Variants in FHIT observed in about 807,000 individuals in gnomAD.
The protein encoded by FHIT is fragile histidine triad diadenosine triphosphatase.
In FHIT, 19 loss-of-function variants were observed where a neutral mutation model predicts 17.9. The observed-to-expected ratio is 1.06, with a 90% CI of 0.74 to 1.56. The LOEUF (loss-of-function observed/expected upper bound fraction) is 1.56, where lower values mean the gene tolerates loss of function less well. Ranked by LOEUF, FHIT falls within the 40% of genes most tolerant of loss-of-function variation. FHIT has a pLI of 0.00. For missense variants in FHIT, 248 were observed against 189.2 expected, an observed-to-expected ratio of 1.31 and a Z score of -1.82; for synonymous variants, 81 against 69.7, an observed-to-expected ratio of 1.16 and a Z score of -0.81.
intron 4 of FHIT, among the ~76,000 whole-genome samples, chr3:60,591,503 A>G (rs2107696301): frequency 6.6e-6 from 1 of 152,252 alleles, no homozygotes; most frequent in East Asian, 1.9e-4. Flanking sequence ...AAAAACAGCC[A>G]CTAGGCTGTA....
chr3:60,896,848 C>A (rs1018335866), intron 3 of FHIT, among the ~76,000 whole-genome samples: 1 of 152,078 alleles, frequency 6.6e-6, no homozygotes, highest in Non-Finnish European at 1.5e-5. Context: ...TGGTTTCAAA[C>A]TCAAAACTAT....
chr3:60,219,107 C>G (rs1490862681), intron 5 of FHIT, among the ~76,000 whole-genome samples: 1 of 152,110 alleles, frequency 6.6e-6, no homozygotes, highest in East Asian at 1.9e-4. Context: ...CAGGGTCTAT[C>G]TACCCACATT....
intron 5 of FHIT, among the ~76,000 whole-genome samples, chr3:60,063,509 C>T (rs1702377292): frequency 6.6e-6 from 1 of 152,044 alleles, no homozygotes; most frequent in African/African-American, 2.4e-5. Flanking sequence ...AAGCAGAGGC[C>T]CAGAGTGACT....
At chr3:60,343,677 T>C (rs1380737201) in intron 5 of FHIT, among the ~76,000 whole-genome samples, 1 of 152,200 alleles carries the variant, frequency 6.6e-6, no homozygotes, top group Non-Finnish European at 1.5e-5. Context: ...TTTAAATTGG[T>C]AAGACTAATA....
At position 60,806,763 on chromosome 3, in the gene FHIT, C is replaced by T. The variant is rs562072565; in HGVS notation, c.-18+15156G>A. On this transcript the variant is annotated intron_variant, in intron 4 of 9. Coordinates refer to ENST00000492590, the MANE Select transcript of FHIT (RefSeq NM_002012.4). ...CCAGTGCTTAACATGATATGGCACA[C>T]GTAGCAGAGTCACAGTAAAAGTTTG... Among the ~76,000 whole-genome samples the T allele has an allele frequency of 1.3e-4, 20 of 152,302 alleles. No homozygotes were observed. The East Asian group carries it at 2.3e-3, about 18-fold the overall frequency.
chr3:59,818,952 T>C (rs528689868), intron 8 of FHIT, among the ~76,000 whole-genome samples: 2 of 152,196 alleles, frequency 1.3e-5, no homozygotes, highest in Admixed American at 1.3e-4. Flanking sequence ...ATGACTACTC[T>C]GTGTCAGAGT....
At chr3:60,152,239 C>A (rs536696264) in intron 5 of FHIT, among the ~76,000 whole-genome samples, 1 of 152,112 alleles carries the variant, frequency 6.6e-6, no homozygotes, top group African/African-American at 2.4e-5. Flanking sequence ...TACCTTGAGG[C>A]TGTGTAATAG....
intron 5 of FHIT, among the ~76,000 whole-genome samples, chr3:60,452,470 G>A (rs867502517): frequency 1.3e-5 from 2 of 152,068 alleles, no homozygotes; most frequent in Non-Finnish European, 2.9e-5. Flanking sequence ...ATGCATCACC[G>A]TTATAGTCAA....
intron 8 of FHIT, among the ~76,000 whole-genome samples, chr3:59,892,977 T>G (rs1703918418): frequency 6.6e-6 from 1 of 152,202 alleles, no homozygotes; most frequent in African/African-American, 2.4e-5. Flanking sequence ...AGTGCCATAT[T>G]TAAAAAGCTG....
At chr3:60,875,280 A>G (rs1704591933) in intron 3 of FHIT, among the ~76,000 whole-genome samples, 1 of 151,170 alleles carries the variant, frequency 6.6e-6, no homozygotes, top group Non-Finnish European at 1.5e-5. Context: ...TAGATACTGG[A>G]TTCCCCATCC....
chr3:61,098,107 T>C (rs948949576), intron 2 of FHIT, among the ~76,000 whole-genome samples: 2 of 152,222 alleles, frequency 1.3e-5, no homozygotes, highest in Admixed American at 1.3e-4. Context: ...CTTTAAGCTA[T>C]CTCGAGTTAA....
chr3:60,291,106 A>C (rs988893512), intron 5 of FHIT, among the ~76,000 whole-genome samples: 2 of 152,212 alleles, frequency 1.3e-5, no homozygotes, highest in Admixed American at 6.5e-5. Flanking sequence ...TCAAGGCTGC[A>C]GACACACAAG....
At chr3:60,529,504 T>G (rs546423116) in intron 5 of FHIT, among the ~76,000 whole-genome samples, 1 of 152,348 alleles carries the variant, frequency 6.6e-6, no homozygotes, top group Non-Finnish European at 1.5e-5. Context: ...TTATTTGAGT[T>G]AATTACATGA....
At chr3:61,017,345 T>C (rs942551696) in intron 3 of FHIT, among the ~76,000 whole-genome samples, 21 of 152,210 alleles carry the variant, frequency 1.4e-4, no homozygotes, top group Admixed American at 3.9e-4. Flanking sequence ...GTGTGCACTT[T>C]CATTATTTTG....
chr3:60,461,900 A>AC (rs1297143568), intron 5 of FHIT, among the ~76,000 whole-genome samples: 1 of 151,910 alleles, frequency 6.6e-6, no homozygotes, highest in Non-Finnish European at 1.5e-5. Flanking sequence ...AAAAAAGGGA[A>AC]CCCCCGCCCC....
At chr3:60,521,687 TC>T (rs1266115354) in intron 5 of FHIT, among the ~76,000 whole-genome samples, 5 of 152,346 alleles carry the variant, frequency 3.3e-5, no homozygotes, top group Admixed American at 1.3e-4. Context: ...AATACCTTTA[TC>T]TTCACATGAG....
intron 5 of FHIT, among the ~76,000 whole-genome samples, chr3:60,455,993 C>T (rs142249052): frequency 1.1e-4 from 17 of 152,242 alleles, no homozygotes; most frequent in African/African-American, 2.9e-4. Context: ...CATAATGATT[C>T]GATTTCTTTA....
intron 5 of FHIT, among the ~76,000 whole-genome samples, chr3:60,256,505 C>G (rs1705999588): frequency 3.9e-5 from 6 of 152,180 alleles, no homozygotes; most frequent in African/African-American, 1.2e-4. Flanking sequence ...ATTCAGAAGA[C>G]AGACCCTATG....
intron 7 of FHIT, among the ~76,000 whole-genome samples, chr3:59,934,481 G>A (rs765810668): frequency 6.6e-6 from 1 of 152,080 alleles, no homozygotes; most frequent in Non-Finnish European, 1.5e-5. Flanking sequence ...CAAATATTCT[G>A]TATTATCTTT....
Sources: allele counts gnomAD v4.1 joint callset (sites outside exome capture counted in the v4.1 genomes callset), GRCh38; gene constraint gnomAD v4.1.1; transcripts MANE v1.5; gene names NCBI Gene and HGNC (gene_info 2026-07-23, HGNC 2026-07-21).